Variants in DMD observed in about 807,000 individuals in gnomAD.
The protein encoded by DMD is dystrophin, also known as mutant dystrophin.
A neutral mutation model predicts 330.1 loss-of-function variants in DMD; 63 were observed. The ratio of observed to expected loss-of-function variants is 0.19; its 90% CI spans 0.16 to 0.24. DMD has a LOEUF of 0.24. Among genes scored for constraint, DMD ranks in the 10% least tolerant of loss-of-function variants. The pLI, the probability that DMD is intolerant of heterozygous loss-of-function variation, is 1.00. For missense variants in DMD, 3,344 were observed against 2,684.1 expected (o/e 1.25, Z -5.43); for synonymous variants, 1,223 against 959.8 (o/e 1.27, Z -5.07).
intron 1 of DMD, among the ~76,000 whole-genome samples, chrX:33,059,324 T>C (rs2094554889): frequency 9.0e-6 from 1 of 111,207 alleles, no homozygotes; most frequent in African/African-American, 3.3e-5. Context: ...TCTCATATTA[T>C]TGTGACTGTA....
At chrX:31,154,456 CT>C (rs373490488) in intron 74 of DMD, among the ~76,000 whole-genome samples, 113 of 99,985 alleles carry the variant, frequency 1.1e-3, no homozygotes, top group East Asian at 1.9e-3. Flanking sequence ...CCACGCCCGG[CT>C]TTTTTTTTTT....
chrX:32,256,310 C>T (rs1183747062), intron 43 of DMD, among the ~76,000 whole-genome samples: 1 of 89,654 alleles, frequency 1.1e-5, no homozygotes. Context: ...ATTGTAACCC[C>T]TGTTTTTTTT....
intron 18 of DMD, among the ~76,000 whole-genome samples, chrX:32,506,308 G>A (rs1034851259): frequency 4.6e-4 from 50 of 107,994 alleles, no homozygotes; most frequent in African/African-American, 1.5e-3. Context: ...TGTACCTTCT[G>A]TTCAATTGTG....
At chrX:31,689,029 A>AT (rs1460925325) in intron 52 of DMD, among the ~76,000 whole-genome samples, 2 of 111,811 alleles carry the variant, frequency 1.8e-5, no homozygotes, top group Non-Finnish European at 3.8e-5. Context: ...AATGGGCAAA[A>AT]CTGGAAGCAT....
At chrX:32,840,486 T>C in intron 4 of DMD, among the ~76,000 whole-genome samples, 1 of 111,387 alleles carries the variant, frequency 9.0e-6, no homozygotes, top group Non-Finnish European at 1.9e-5. Context: ...TATACATAAG[T>C]GTACAACTTG....
intron 7 of DMD, among the ~76,000 whole-genome samples, chrX:32,764,559 A>T (rs2748320): frequency 1.8e-5 from 2 of 110,032 alleles, no homozygotes; most frequent in African/African-American, 6.6e-5. Flanking sequence ...ATCCTTTTGT[A>T]TCTGGCTTTT....
At chrX:33,115,091 C>T (rs186066311) in intron 1 of DMD, among the ~76,000 whole-genome samples, 1 of 112,463 alleles carries the variant, frequency 8.9e-6, no homozygotes, top group East Asian at 2.8e-4. Flanking sequence ...ACAACCTCAG[C>T]ATTCATAATG....
At chrX:32,638,171 A>G (rs1031310921) in intron 11 of DMD, among the ~76,000 whole-genome samples, 11 of 111,967 alleles carry the variant, frequency 9.8e-5, no homozygotes, top group African/African-American at 3.2e-4. Context: ...TTAATTATCA[A>G]TACTCATCAA....
chrX:32,166,881 A>G (rs1014666113), intron 44 of DMD, among the ~76,000 whole-genome samples: 1 of 112,234 alleles, frequency 8.9e-6, no homozygotes, highest in African/African-American at 3.2e-5. Context: ...CATTATTAGC[A>G]GTTTTTTTAA....
chrX:32,699,575 C>A (rs1039802876), intron 7 of DMD, among the ~76,000 whole-genome samples: 3 of 111,455 alleles, frequency 2.7e-5, no homozygotes, highest in Non-Finnish European at 5.7e-5. Context: ...CAAACTAGCC[C>A]ATCTAACAGA....
intron 55 of DMD, among the ~76,000 whole-genome samples, chrX:31,599,408 G>C (rs1339938401): frequency 8.9e-6 from 1 of 111,954 alleles, no homozygotes. Context: ...ACAGCACCTG[G>C]CACAGTGTTA....
chrX:32,721,772 C>A lies in DMD; in HGVS notation c.650-22479G>T, dbSNP rs188893184. Among the ~76,000 whole-genome samples, 5 of 110,913 alleles carry A rather than the reference C, an allele frequency of 4.5e-5. No individual in the cohort carries two copies. The South Asian group carries it at 1.5e-3, about 34-fold the overall frequency. The stretch of plus-strand genomic sequence containing the variant: ...AAAAAATCCTTGCAAAGGCGACTGT[C>A]AGAGAGCTTTTTCCTCTCTGTTTTC... On this transcript the variant is annotated intron_variant, in intron 7 of 78. Coordinates refer to ENST00000357033, the MANE Select transcript of DMD (RefSeq NM_004006.3).
At chrX:32,265,782 G>A (rs985187126) in intron 43 of DMD, among the ~76,000 whole-genome samples, 16 of 112,020 alleles carry the variant, frequency 1.4e-4, no homozygotes, top group African/African-American at 5.2e-4. Context: ...CCTTTGTTTG[G>A]GCCAATTTCT....
chrX:31,448,011 CAAAAAAAAAAAAA>C (rs1198070119), intron 59 of DMD, among the ~76,000 whole-genome samples: 1 of 35,305 alleles, frequency 2.8e-5, no homozygotes, highest in Admixed American at 3.5e-4. Flanking sequence ...ACTCTGTCTC[CAAAAAAAAAAAAA>C]AAAAAAAAAG....
At chrX:33,009,354 G>A (rs1248741364) in intron 2 of DMD, among the ~76,000 whole-genome samples, 2 of 58,518 alleles carry the variant, frequency 3.4e-5, no homozygotes, top group Admixed American at 3.2e-4. Flanking sequence ...ATATACACAT[G>A]TGTGTATATG....
At chrX:31,750,124 G>C (rs2088373840) in intron 51 of DMD, among the ~76,000 whole-genome samples, 1 of 110,177 alleles carries the variant, frequency 9.1e-6, no homozygotes, top group Non-Finnish European at 1.9e-5. Context: ...AGTTTCTTTT[G>C]CTGTGCAGAA....
chrX:31,168,262 T>C (rs953113835), intron 74 of DMD, among the ~76,000 whole-genome samples: 4 of 111,691 alleles, frequency 3.6e-5, no homozygotes, highest in Non-Finnish European at 5.6e-5. Flanking sequence ...CAAGAGAATA[T>C]TGTGGAAGGG....
intron 44 of DMD, 175 bp downstream of exon 44, chrX:32,216,741 A>G (rs1205105862): frequency 1.3e-5 from 6 of 464,170 alleles, no homozygotes; most frequent in Non-Finnish European, 2.2e-5. Flanking sequence ...CAAAAAGTCC[A>G]TAGCACCGTG....
chrX:33,088,535 AGAGCTATGGATTCTTTAATT>A (rs2095039736), intron 1 of DMD, among the ~76,000 whole-genome samples: 1 of 110,970 alleles, frequency 9.0e-6, no homozygotes. Flanking sequence ...TGTGCATTAG[AGAGCTATGGATTCTTTAATT>A]AAGAAGCTGC....
Sources: gnomAD v4.1 joint callset for allele counts (sites outside exome capture counted in the v4.1 genomes callset) on GRCh38, gnomAD v4.1.1 for gene constraint, MANE v1.5 for transcripts, NCBI Gene and HGNC (gene_info 2026-07-23, HGNC 2026-07-21) for gene names.